C3: variants seen among roughly 807,000 people sequenced by gnomAD.
The protein encoded by C3 is C3 and PZP-like alpha-2-macroglobulin domain-containing protein 1.
Under a neutral mutation model 207.9 loss-of-function variants are expected in C3, and 97 were observed. The ratio of observed to expected loss-of-function variants is 0.47; its 90% CI spans 0.40 to 0.55. The LOEUF is 0.55. C3 is among the 20% of genes least tolerant of loss of function. The probability of loss-of-function intolerance (pLI) is 0.00; values close to 1 mark genes in which losing one functional copy is unlikely to be tolerated. For missense variants in C3, 1,684 were observed against 2,171.7 expected (o/e 0.78, Z 4.46); for synonymous variants, 848 against 857.6 (o/e 0.99, Z 0.20).
intron 30 of C3, 30 bp downstream of exon 30, chr19:6,684,958 A>C: frequency 6.2e-7 from 1 of 1,612,860 alleles, no homozygotes; most frequent in Admixed American, 1.7e-5. Flanking sequence ...AGACAGCCAG[A>C]GTGAGGAGGG....
intron 27 of C3, among the ~76,000 whole-genome samples, chr19:6,687,833 G>T (rs1235850758): frequency 2.7e-5 from 4 of 149,936 alleles, no homozygotes; most frequent in Non-Finnish European, 5.9e-5. Context: ...TGTTTGTTTG[G>T]TTGGTTGGTT....
rs769164285 is a variant in C3 at position 6,686,177 on chromosome 19, C to T, written c.3757G>A (p.Val1253Met). 15 of 1,614,054 alleles carry T rather than the reference C, an allele frequency of 9.3e-6. No individual in the cohort carries two copies. Among genetic ancestry groups the T allele is most frequent in the Middle Eastern group, 3.3e-4 (2 of 6,078 alleles). The change falls in exon 29 of 41, where the codon GTG becomes ATG. Residue 1253 changes from valine to methionine, a missense_variant. Physicochemically the swap from Val to Met is conservative, Grantham distance 21. Around this residue, in one of 3 missense-constraint regions of C3, gnomAD observed 1,280 missense variants for 1,739.1 expected, o/e 0.74. Transcript: ENST00000245907. ...TATCTCTGTTCATTGAGCCAACGCA[C>T]GACGGGAGGCACAAAGTCAAAGTCT... ...LKDFDFVPPV[V>M]RWLNEQRYYG... is the part of the protein sequence containing the mutation.
intron 13 of C3, 64 bp downstream of exon 13, chr19:6,710,575 A>G (rs997862872): frequency 9.7e-5 from 14 of 143,778 alleles, no homozygotes; most frequent in African/African-American, 1.8e-4. Context: ...GGAGACAGGG[A>G]GAGAGAGAGA....
intron 4 of C3, chr19:6,717,622 GAT>G (rs1968063811): frequency 3.6e-6 from 1 of 277,510 alleles, no homozygotes; most frequent in Admixed American, 4.9e-5. Flanking sequence ...TGTGTTGTGT[GAT>G]AGTGTTGTGT....
At chr19:6,708,404 T>C (rs1003915145) in intron 14 of C3, among the ~76,000 whole-genome samples, 4 of 152,128 alleles carry the variant, frequency 2.6e-5, no homozygotes, top group African/African-American at 9.7e-5. Context: ...CCCAAAGTGC[T>C]TGGCCTCCCA....
chr19:6,715,322 T>A (rs1027809094), intron 4 of C3, among the ~76,000 whole-genome samples: 4 of 151,872 alleles, frequency 2.6e-5, no homozygotes, highest in African/African-American at 4.8e-5. Context: ...AAAAATTTTT[T>A]AAAATTAGCT....
chr19:6,697,989 T>TTTTTTA (rs951209072), intron 19 of C3, among the ~76,000 whole-genome samples, 195 bp from the exon 20 acceptor site: 97 of 61,210 alleles, frequency 1.6e-3, no homozygotes, highest in East Asian at 0.014. Flanking sequence ...GTTACCATTA[T>TTTTTTA]TTATTATTAT....
chr19:6,691,482 C>T (rs1568214557), intron 26 of C3, among the ~76,000 whole-genome samples: 1 of 152,172 alleles, frequency 6.6e-6, no homozygotes, highest in African/African-American at 2.4e-5. Flanking sequence ...TCAACTCTCA[C>T]AGACGGCAGG....
rs755012704 is a variant in C3 at position 6,719,383 on chromosome 19, T to G, written c.95A>C (p.Asn32Thr). ...GSPMYSIITP[N>T]ILRLESEETM... ...CTCCTCGCTCTCCAGCCGCAAGATG[T>G]TGGGGGTGATGATAGAGTACCTGTC... The change falls in exon 2 of 41, where the codon AAC (asparagine) becomes ACC (threonine). Residue 32 changes from asparagine to threonine, a missense_variant. This residue lies in a region of C3 where 58 missense variants were observed against 52.5 expected (regional missense o/e 1.10). Coordinates refer to ENST00000245907, the MANE Select transcript of C3 (RefSeq NM_000064.4). This position sits in a 1 kb window ranked among gnomAD's most constrained non-coding sequence, Gnocchi z 5.4. The G allele has an allele frequency of 6.2e-7, 1 of 1,613,692 alleles. No homozygotes were observed. The highest frequency in any genetic ancestry group is 1.3e-5 in the African/African-American group (1 of 74,800).
intron 24 of C3, among the ~76,000 whole-genome samples, chr19:6,694,223 G>A (rs1047815965): frequency 7.3e-6 from 1 of 137,242 alleles, no homozygotes; most frequent in Non-Finnish European, 1.6e-5. Flanking sequence ...GAGGAGAGGC[G>A]GGGTCTCATG....
rs11569553 is a variant in C3 at position 6,682,522 on chromosome 19, C to CA, written c.4173-294dup. 0.65 allele frequency: 260,133 copies of CA among 400,558 alleles called. 85,158 individuals carry two copies. The highest frequency in any genetic ancestry group is 0.71 in the South Asian group (32,487 of 46,056). 24.8% of individuals were successfully genotyped at this position (400,558 alleles called of 1,614,324 possible). A position where few individuals can be genotyped will look rare whatever the true frequency, so the allele number is the denominator to read the frequency against. On this transcript the variant is annotated intron_variant, in intron 33 of 40. Transcript: ENST00000245907. Reference sequence around the variant, plus strand: ...CCCTCCATGCTTCAGTTCTAGAAAACAAGGCAAGAATACAGGCAGCCCTCA... The same window carrying CA: ...CCCTCCATGCTTCAGTTCTAGAAAACAAAGGCAAGAATACAGGCAGCCCTCA...
At chr19:6,718,486 G>T in intron 2 of C3, 74 bp from the exon 3 acceptor site, 4 of 1,570,706 alleles carry the variant, frequency 2.5e-6, no homozygotes, top group Non-Finnish European at 2.6e-6. Flanking sequence ...CGGATCTTGG[G>T]CTGGGTCCCT....
rs142227492 is a variant in C3 at position 6,711,134 on chromosome 19, C to G, written c.1332G>C (p.Leu444=). ...AEQATRTMQA[L]PYSTVGNSNN... ...TGGAGTTGCCCACGGTGCTGTAGGG[C>G]AGAGCCTGCATGGTCCTGGTAGCCT... The change falls in exon 12 of 41, where the codon CTG becomes CTC. Residue 444 remains leucine (L), a synonymous_variant. Transcript: ENST00000245907. 10 of 1,613,970 alleles carry G rather than the reference C, an allele frequency of 6.2e-6. No individual in the cohort carries two copies. The highest frequency in any genetic ancestry group is 7.6e-6 in the Non-Finnish European group (9 of 1,180,026).
chr19:6,710,439 T>G (rs1226809840), intron 13 of C3, among the ~76,000 whole-genome samples, 200 bp downstream of exon 13: 6 of 82,898 alleles, frequency 7.2e-5, no homozygotes, highest in African/African-American at 1.7e-4. Context: ...GAAAGAGAGA[T>G]GTAGAGAGAG....
chr19:6,697,233 A>G lies in C3; in HGVS notation c.2796+111T>C, dbSNP rs1017919114. On this transcript the variant is annotated intron_variant, in intron 21 of 40. Coordinates refer to ENST00000245907, the MANE Select transcript of C3 (RefSeq NM_000064.4). ...GGGACTTCCAAATTTCCTAAGCTGGACACTATGATTCTTAGTGTCTCAGAG... is the reference window on the plus strand; with the variant it reads ...GGGACTTCCAAATTTCCTAAGCTGGGCACTATGATTCTTAGTGTCTCAGAG... 1.6e-5 allele frequency: 13 copies of G among 833,188 alleles called. No homozygotes were observed. The African/African-American group carries it at 2.2e-4, about 14-fold the overall frequency. 51.6% of individuals were successfully genotyped at this position (833,188 alleles called of 1,614,324 possible). A position where few individuals can be genotyped will look rare whatever the true frequency, so the allele number is the denominator to read the frequency against.
Position 6,697,472 on chromosome 19 carries a change from G to A in C3, c.2668C>T (p.Pro890Ser), listed in dbSNP as rs531463049. ...RRHQQTVTIP[P>S]KSSLSVPYVI... ...TATGGAACGGACAACGAGGACTTGGGGGGGATGGTTACGGTCTGCTGGTGA... is the reference window on the plus strand; with the variant it reads ...TATGGAACGGACAACGAGGACTTGGAGGGGATGGTTACGGTCTGCTGGTGA... Residue 890 changes from proline to serine, a missense_variant, in exon 21 of 41, where the codon CCC (proline) becomes TCC (serine). Transcript: ENST00000245907. 104 of 1,613,856 alleles carry A rather than the reference G, an allele frequency of 6.4e-5. No homozygotes were observed. The highest frequency in any genetic ancestry group is 8.6e-5 in the Non-Finnish European group (101 of 1,180,000).
Position 6,702,174 on chromosome 19 carries a change from G to T in C3, c.2393C>A (p.Ser798Tyr). ...AGCCAGAATCTCCCACGTGGTGATGGAGTCTTTCAAAAATATATTCATGAG... is the reference window on the plus strand; with the variant it reads ...AGCCAGAATCTCCCACGTGGTGATGTAGTCTTTCAAAAATATATTCATGAG... Reference protein sequence around the residue: ...TKLMNIFLKDSITTWEILAVS... With the variant: ...TKLMNIFLKDYITTWEILAVS... The change falls in exon 19 of 41, where the codon TCC becomes TAC. Residue 798 changes from serine (S) to tyrosine (Y), a missense_variant. Coordinates refer to ENST00000245907, the MANE Select transcript of C3 (RefSeq NM_000064.4). 1 of 1,606,618 alleles carries T rather than the reference G, an allele frequency of 6.2e-7. No homozygotes were observed.
At chr19:6,710,606 G>C in intron 13 of C3, 33 bp downstream of exon 13, 1 of 1,557,762 alleles carries the variant, frequency 6.4e-7, no homozygotes, top group Non-Finnish European at 8.8e-7. Context: ...TAGGGAGAGG[G>C]AGAGGGGGCG....
intron 11 of C3, among the ~76,000 whole-genome samples, chr19:6,711,792 G>A (rs1468672860): frequency 6.6e-6 from 1 of 152,232 alleles, no homozygotes; most frequent in Non-Finnish European, 1.5e-5. Context: ...GTGCACAGAA[G>A]CCAGGAGAAC....
Sources: allele counts gnomAD v4.1 joint callset (sites outside exome capture counted in the v4.1 genomes callset), GRCh38; gene constraint gnomAD v4.1.1; regional missense constraint gnomAD v4.1.1; non-coding constraint Gnocchi (gnomAD v3.1); transcripts MANE v1.5; gene names NCBI Gene and HGNC (gene_info 2026-07-23, HGNC 2026-07-21).